Variants in ZFAND2A observed in about 807,000 individuals in gnomAD.
ZFAND2A encodes the protein AN1-type zinc finger protein 2A.
Under a neutral mutation model 11.6 loss-of-function variants are expected in ZFAND2A, and 20 were observed. The observed-to-expected ratio is 1.72, with a 90% CI of 1.21 to 2.50. ZFAND2A has a LOEUF of 2.50. Among genes scored for constraint, ZFAND2A ranks in the 30% most tolerant of loss-of-function variants. ZFAND2A has a pLI of 0.00. For synonymous variants in ZFAND2A, 93 were observed against 60.6 expected, an observed-to-expected ratio of 1.54 and a Z score of -2.48; for missense variants, 234 against 182.9, an observed-to-expected ratio of 1.28 and a Z score of -1.61.
chr7:1,150,323 G>GA (rs973234370), downstream of ZFAND2A, among the ~76,000 whole-genome samples: 125 of 148,206 alleles, frequency 8.4e-4, no homozygotes, highest in South Asian at 7.5e-3. Context: ...GGTGAAAGCA[G>GA]AAAAAAAAAA....
intron 3 of ZFAND2A, chr7:1,157,103 C>T (rs577030767): frequency 8.7e-5 from 9 of 103,554 alleles, no homozygotes; most frequent in African/African-American, 2.8e-4. Context: ...TGGGAACCAT[C>T]TGAAAAGTCA....
downstream of ZFAND2A, among the ~76,000 whole-genome samples, chr7:1,150,370 G>C (rs1373387531): frequency 6.6e-6 from 1 of 152,044 alleles, no homozygotes; most frequent in Non-Finnish European, 1.5e-5. Flanking sequence ...GTCTCAGCGG[G>C]ACATCTGGTG....
intron 3 of ZFAND2A, 149 bp from the exon 4 acceptor site, chr7:1,155,733 G>A (rs1793511695): frequency 2.1e-6 from 2 of 971,136 alleles, no homozygotes; most frequent in South Asian, 1.7e-5. Context: ...AGCATCACTG[G>A]GTCATGGATT....
downstream of ZFAND2A, among the ~76,000 whole-genome samples, chr7:1,151,291 G>T (rs1374494543): frequency 6.6e-6 from 1 of 152,178 alleles, no homozygotes; most frequent in Non-Finnish European, 1.5e-5. Context: ...TCAGGAACGG[G>T]CACGCAGCTG....
intron 4 of ZFAND2A, among the ~76,000 whole-genome samples, chr7:1,154,170 G>C (rs1302763030): frequency 1.3e-5 from 2 of 150,346 alleles, no homozygotes; most frequent in South Asian, 2.1e-4. Context: ...TCATGTCCCA[G>C]TACCCACCGG....
At chr7:1,158,020 A>C (rs1793572763) in intron 2 of ZFAND2A, 138 bp downstream of exon 2, 3 of 925,546 alleles carry the variant, frequency 3.2e-6, no homozygotes, top group Non-Finnish European at 5.0e-6. Context: ...GCTAAGTGTC[A>C]AACAGAACCT....
At chr7:1,157,450 C>T in intron 3 of ZFAND2A, 1 of 452,378 alleles carries the variant, frequency 2.2e-6, no homozygotes, top group Non-Finnish European at 3.9e-6. Context: ...GAGAGTCATC[C>T]AACAGAATGT....
At chr7:1,156,147 C>T (rs868523924) in intron 3 of ZFAND2A, among the ~76,000 whole-genome samples, 8 of 124,766 alleles carry the variant, frequency 6.4e-5, no homozygotes, top group Admixed American at 3.7e-4. Context: ...CTGGGGGCTC[C>T]GAAGGGGTGG....
chr7:1,155,384 C>A, intron 4 of ZFAND2A, 69 bp downstream of exon 4: 1 of 1,578,382 alleles, frequency 6.3e-7, no homozygotes, highest in Non-Finnish European at 8.6e-7. Flanking sequence ...TTTCAGGTAG[C>A]AAACTGACTC....
At chr7:1,155,661 G>T in intron 3 of ZFAND2A, 77 bp from the exon 4 acceptor site, 1 of 1,519,258 alleles carries the variant, frequency 6.6e-7, no homozygotes, top group Non-Finnish European at 8.9e-7. Flanking sequence ...GAGTACTCCT[G>T]TGCGGCACAC....
downstream of ZFAND2A, chr7:1,152,768 C>T (rs1793424524): frequency 7.7e-6 from 4 of 517,028 alleles, no homozygotes; most frequent in Admixed American, 1.3e-4. Flanking sequence ...CCGCAGCCCT[C>T]AGAAGGGGCT....
downstream of ZFAND2A, among the ~76,000 whole-genome samples, chr7:1,151,762 T>TTAAAAAAAAAAAAAAAAAAA (rs1554344524): frequency 2.2e-4 from 19 of 87,170 alleles, 1 homozygote; most frequent in African/African-American, 7.8e-4. Flanking sequence ...TCATCCCTTT[T>TTAAAAAAAAAAAAAAAAAAA]AAAAAAAAAA....
chr7:1,152,462 A>AC, downstream of ZFAND2A: 1 of 1,249,512 alleles, frequency 8.0e-7, no homozygotes, highest in Non-Finnish European at 1.1e-6. Flanking sequence ...GCCAGACACC[A>AC]CCAGGTGCAA....
downstream of ZFAND2A, chr7:1,152,060 A>T: frequency 1.6e-6 from 1 of 611,120 alleles, no homozygotes; most frequent in South Asian, 3.7e-5. Context: ...GCTGCTGCCG[A>T]AAGGTTGTGC....
intron 3 of ZFAND2A, among the ~76,000 whole-genome samples, chr7:1,156,671 GA>G (rs1365039244): frequency 1.3e-5 from 2 of 152,274 alleles, no homozygotes; most frequent in African/African-American, 4.8e-5. Context: ...AGGTCAATGA[GA>G]AAACCGAGGT....
intron 4 of ZFAND2A, among the ~76,000 whole-genome samples, chr7:1,153,840 G>C (rs1007809810): frequency 6.6e-6 from 1 of 152,132 alleles, no homozygotes; most frequent in East Asian, 1.9e-4. Context: ...CAGCTACTTG[G>C]GAGGCTGAGG....
chr7:1,154,995 G>A (rs1012177992), intron 4 of ZFAND2A, among the ~76,000 whole-genome samples: 10 of 152,200 alleles, frequency 6.6e-5, no homozygotes, highest in Non-Finnish European at 4.4e-5. Flanking sequence ...GCATGCGCCT[G>A]TAGTCCCAGC....
intron 4 of ZFAND2A, among the ~76,000 whole-genome samples, chr7:1,154,370 T>C (rs1418587894): frequency 6.6e-6 from 1 of 151,904 alleles, no homozygotes; most frequent in Non-Finnish European, 1.5e-5. Context: ...CGTGCAGGGA[T>C]GCAGGCAGAA....
At chr7:1,158,309 C>G in intron 1 of ZFAND2A, 52 bp from the exon 2 acceptor site, 1 of 1,090,882 alleles carries the variant, frequency 9.2e-7, no homozygotes, top group African/African-American at 1.6e-5. Flanking sequence ...CCTTCAGTCA[C>G]CAGGATTTAC....
Sources: allele counts gnomAD v4.1 joint callset (sites outside exome capture counted in the v4.1 genomes callset), GRCh38; gene constraint gnomAD v4.1.1; transcripts MANE v1.5; gene names NCBI Gene and HGNC (gene_info 2026-07-23, HGNC 2026-07-21).